IP6K1: variants seen among roughly 807,000 people sequenced by gnomAD.
IP6K1 encodes inositol hexakisphosphate kinase 1.
IP6K1 carries 13 observed loss-of-function variants against 38.3 expected under a neutral mutation model. That is an observed-to-expected ratio of 0.34 (90% CI 0.22 to 0.54). IP6K1 has a LOEUF of 0.54. Ranked by LOEUF, IP6K1 falls within the 20% of genes least tolerant of loss-of-function variation. IP6K1 has a pLI of 0.92. For synonymous variants in IP6K1, 212 were observed against 229.9 expected (o/e 0.92, Z 0.70); for missense variants, 397 against 599.8 (o/e 0.66, Z 3.53).
chr3:49,763,754 G>A (rs1035595739), intron 1 of IP6K1, among the ~76,000 whole-genome samples: 1 of 152,096 alleles, frequency 6.6e-6, no homozygotes, highest in Non-Finnish European at 1.5e-5. Context: ...GGTGGCTCAC[G>A]CCTGTAATCC....
intron 3 of IP6K1, among the ~76,000 whole-genome samples, chr3:49,734,445 G>T (rs746589876): frequency 4.0e-5 from 5 of 124,374 alleles, no homozygotes; most frequent in Admixed American, 2.1e-4. Context: ...CTGTCGCCCA[G>T]CAACTTCAAA....
intron 1 of IP6K1, among the ~76,000 whole-genome samples, chr3:49,756,984 A>G (rs919830703): frequency 6.6e-6 from 1 of 152,228 alleles, no homozygotes; most frequent in Non-Finnish European, 1.5e-5. Context: ...CTCACCTAGC[A>G]CATTTACAAC....
intron 2 of IP6K1, among the ~76,000 whole-genome samples, chr3:49,745,318 T>C (rs976234620): frequency 2.0e-5 from 3 of 152,174 alleles, no homozygotes; most frequent in Admixed American, 1.3e-4. Flanking sequence ...ATAAGGGTAC[T>C]GGAAAGAACA....
intron 4 of IP6K1, 30 bp downstream of exon 4, chr3:49,732,761 A>G (rs745807325): frequency 6.3e-7 from 1 of 1,587,254 alleles, no homozygotes; most frequent in Non-Finnish European, 8.6e-7. Context: ...GACCCAGTAG[A>G]CACTCCTGAA....
intron 2 of IP6K1, among the ~76,000 whole-genome samples, 159 bp downstream of exon 2, chr3:49,747,659 T>G (rs2080732933): frequency 6.6e-6 from 1 of 152,226 alleles, no homozygotes; most frequent in African/African-American, 2.4e-5. Flanking sequence ...AAGACCTTGC[T>G]GATGCTTTCA....
chr3:49,747,321 CTT>C (rs963703168), intron 2 of IP6K1, among the ~76,000 whole-genome samples: 70 of 152,272 alleles, frequency 4.6e-4, no homozygotes, highest in African/African-American at 1.7e-3. Flanking sequence ...ATAAAGTTGA[CTT>C]ATATTTTAAA....
At chr3:49,760,334 C>T (rs2080857146) in intron 1 of IP6K1, among the ~76,000 whole-genome samples, 1 of 152,140 alleles carries the variant, frequency 6.6e-6, no homozygotes, top group Admixed American at 6.6e-5. Context: ...GAAAAGCAGA[C>T]AGGTGGAGGC....
intron 1 of IP6K1, among the ~76,000 whole-genome samples, chr3:49,771,188 C>CAAAAAAA (rs35601566): frequency 5.7e-4 from 41 of 72,390 alleles, no homozygotes; most frequent in Non-Finnish European, 5.9e-4. Flanking sequence ...AACTCAGTAA[C>CAAAAAAA]AAAAAAAAAA....
chr3:49,736,362 T>C (rs1235754604), intron 3 of IP6K1, among the ~76,000 whole-genome samples: 2 of 152,200 alleles, frequency 1.3e-5, no homozygotes, highest in Non-Finnish European at 2.9e-5. Context: ...TCACTCCCTA[T>C]TTCCCACTAC....
At chr3:49,735,283 G>A (rs868185770) in intron 3 of IP6K1, among the ~76,000 whole-genome samples, 5 of 152,152 alleles carry the variant, frequency 3.3e-5, no homozygotes, top group Admixed American at 2.0e-4. Context: ...GAAGGCTTGA[G>A]CCCAGTATTC....
intron 2 of IP6K1, among the ~76,000 whole-genome samples, chr3:49,738,885 A>G (rs1312400419): frequency 6.6e-6 from 1 of 152,138 alleles, no homozygotes; most frequent in Non-Finnish European, 1.5e-5. Context: ...GTCCAAAAAA[A>G]TCTGTGTTCT....
chr3:49,784,066 G>C (rs2081090703), intron 1 of IP6K1, among the ~76,000 whole-genome samples: 1 of 151,672 alleles, frequency 6.6e-6, no homozygotes, highest in African/African-American at 2.4e-5. Flanking sequence ...ACCCAGGCTG[G>C]AGTGCAGTGG....
intron 2 of IP6K1, among the ~76,000 whole-genome samples, chr3:49,743,619 GTTTT>G (rs1553694207): frequency 1.2e-5 from 1 of 81,818 alleles, no homozygotes; most frequent in Admixed American, 1.2e-4. Flanking sequence ...TTTTTTTTTT[GTTTT>G]TTTTTTTTTT....
intron 1 of IP6K1, among the ~76,000 whole-genome samples, chr3:49,782,608 C>T (rs1317941468): frequency 1.3e-5 from 2 of 151,988 alleles, no homozygotes; most frequent in Non-Finnish European, 2.9e-5. Context: ...TTGAGACTAG[C>T]CTGAGCAACA....
chr3:49,774,127 C>T (rs374324466), intron 1 of IP6K1, among the ~76,000 whole-genome samples: 1 of 151,848 alleles, frequency 6.6e-6, no homozygotes, highest in African/African-American at 2.4e-5. Flanking sequence ...ATTTGCAGGC[C>T]GGGCACAGTG....
chr3:49,746,940 G>A (rs2080725822), intron 2 of IP6K1, among the ~76,000 whole-genome samples: 1 of 152,154 alleles, frequency 6.6e-6, no homozygotes, highest in African/African-American at 2.4e-5. Flanking sequence ...TACCGAGTTT[G>A]TTTCAGATGA....
chr3:49,775,599 C>T (rs2081000333), intron 1 of IP6K1: 1 of 941,362 alleles, frequency 1.1e-6, no homozygotes. Flanking sequence ...AAAAATGCAG[C>T]TTCAAGAAGA....
intron 1 of IP6K1, among the ~76,000 whole-genome samples, chr3:49,766,161 G>A (rs1308919406): frequency 2.0e-5 from 3 of 151,806 alleles, no homozygotes; most frequent in Non-Finnish European, 4.4e-5. Flanking sequence ...GGGCTTCAGA[G>A]CAAGACTCCA....
Position 49,732,837 on chromosome 3 carries a change from C to T in IP6K1, c.570G>A (p.Gln190=), listed in dbSNP as rs560424334. 6.2e-7 allele frequency: 1 copy of T among 1,614,108 alleles called. No homozygotes were observed. Among genetic ancestry groups the T allele is most frequent in the South Asian group, 1.1e-5 (1 of 91,060 alleles). ...HNPWSLRCHK[Q]QLSRMRSESK... ...ACTCGGAGCGCATGCGGCTCAGCTG[C>T]TGCTTGTGACAACGCAGGCTCCAGG... The change falls in exon 4 of 6, where the codon CAG becomes CAA. Residue 190 remains glutamine (Q), a synonymous_variant. Transcript: ENST00000321599.
Sources: allele counts gnomAD v4.1 joint callset (sites outside exome capture counted in the v4.1 genomes callset), GRCh38; gene constraint gnomAD v4.1.1; transcripts MANE v1.5; gene names NCBI Gene and HGNC (gene_info 2026-07-23, HGNC 2026-07-21).